The following PDE1C variants were observed in gnomAD, a reference collection of about 807,000 sequenced individuals.
PDE1C encodes the protein dual specificity calcium/calmodulin-dependent 3',5'-cyclic nucleotide phosphodiesterase 1C.
A neutral mutation model predicts 93.1 loss-of-function variants in PDE1C; 62 were observed. The observed-to-expected ratio is 0.67, with a 90% CI of 0.54 to 0.82. PDE1C has a LOEUF of 0.82. Ranked by LOEUF, PDE1C falls within the 40% of genes least tolerant of loss-of-function variation. The probability of loss-of-function intolerance (pLI) is 0.00; values close to 1 mark genes in which losing one functional copy is unlikely to be tolerated. For missense variants in PDE1C, 742 were observed against 884.6 expected, an observed-to-expected ratio of 0.84 and a Z score of 2.04; for synonymous variants, 325 against 310.1, an observed-to-expected ratio of 1.05 and a Z score of -0.50.
chr7:31,631,841 T>A, the PDE1C span, among the ~76,000 whole-genome samples: 67 of 152,314 alleles, frequency 4.4e-4, no homozygotes, highest in African/African-American at 1.6e-3. Flanking sequence ...AATTAGCTTG[T>A]CTCAGGATTA....
chr7:32,030,707 A>G (rs1790197240), intron 2 of PDE1C, among the ~76,000 whole-genome samples: 1 of 152,158 alleles, frequency 6.6e-6, no homozygotes, highest in African/African-American at 2.4e-5. Flanking sequence ...TAATAAACCT[A>G]TTTAGAAACT....
chr7:31,637,085 C>T, the PDE1C span, among the ~76,000 whole-genome samples: 1 of 152,024 alleles, frequency 6.6e-6, no homozygotes. Flanking sequence ...TTTATGGCTG[C>T]ATAGAATTCC....
intron 3 of PDE1C, among the ~76,000 whole-genome samples, chr7:32,113,178 C>G (rs970514886): frequency 8.4e-5 from 12 of 142,948 alleles, no homozygotes; most frequent in Admixed American, 2.8e-4. Flanking sequence ...TTTCAAAGCA[C>G]CCTGTAGTTC....
Position 31,880,838 on chromosome 7 carries a change from A to T in PDE1C, c.151T>A (p.Leu51Ile), listed in dbSNP as rs770996246. ...SQRLRSLVKQLERGEASVVDL... is the reference protein window; with the variant it reads ...SQRLRSLVKQIERGEASVVDL... ...ACCACTGAAGCTTCCCCTCTCTCTA[A>T]TTGTTTGACCAAAGACCGTAATCTA... The change falls in exon 3 of 18, where the codon TTA becomes ATA. Residue 51 changes from leucine (L) to isoleucine (I), a missense_variant. Leu to Ile is a conservative substitution (Grantham distance 5). Coordinates refer to ENST00000396191, the MANE Select transcript of PDE1C (RefSeq NM_001191057.4). 2 of 1,608,664 alleles carry T rather than the reference A, an allele frequency of 1.2e-6. No homozygotes were observed. Among genetic ancestry groups the T allele is most frequent in the Non-Finnish European group, 1.7e-6 (2 of 1,175,258 alleles).
intron 3 of PDE1C, among the ~76,000 whole-genome samples, chr7:32,089,460 G>C (rs1268500281): frequency 6.6e-6 from 1 of 152,134 alleles, no homozygotes; most frequent in Non-Finnish European, 1.5e-5. Flanking sequence ...ATGGTACTAT[G>C]ATTTTGCAAT....
At chr7:31,679,306 T>A in the PDE1C span, among the ~76,000 whole-genome samples, 1 of 152,166 alleles carries the variant, frequency 6.6e-6, no homozygotes, top group Non-Finnish European at 1.5e-5. Context: ...CTGGGCTTTA[T>A]GAGTATAGTA....
At chr7:32,072,274 C>A (rs1796108641), upstream of PDE1C, among the ~76,000 whole-genome samples, 1 of 152,174 alleles carries the variant, frequency 6.6e-6, no homozygotes, top group African/African-American at 2.4e-5. Context: ...AACGACTTAC[C>A]TACTCACCTG....
chr7:31,735,269 A>G, the PDE1C span, among the ~76,000 whole-genome samples: 1 of 152,060 alleles, frequency 6.6e-6, no homozygotes, highest in Non-Finnish European at 1.5e-5. Context: ...ATGGTGGTGC[A>G]TGCCTGTAAT....
chr7:32,109,568 C>T (rs2392025), intron 3 of PDE1C, among the ~76,000 whole-genome samples: 30,860 of 151,986 alleles, frequency 0.2, 3,782 homozygotes, highest in Middle Eastern at 0.31. Context: ...GTAGTAACTC[C>T]CCAGTCATGA....
chr7:31,716,192 C>A, the PDE1C span, among the ~76,000 whole-genome samples: 1 of 152,100 alleles, frequency 6.6e-6, no homozygotes, highest in Non-Finnish European at 1.5e-5. Context: ...TAAGTGCTAG[C>A]CTTGTCTGAC....
intron 16 of PDE1C, among the ~76,000 whole-genome samples, chr7:31,799,966 T>A (rs1475799808): frequency 6.6e-6 from 1 of 151,750 alleles, no homozygotes; most frequent in African/African-American, 2.4e-5. Context: ...TATCCCCTCA[T>A]ACAAGCTTTG....
chr7:32,025,973 C>T (rs1446942280), intron 2 of PDE1C, among the ~76,000 whole-genome samples: 6 of 152,110 alleles, frequency 3.9e-5, no homozygotes, highest in African/African-American at 1.2e-4. Flanking sequence ...GGCCCCTCTA[C>T]CTGACAGCTG....
At chr7:32,345,632 A>T (rs58993780) in intron 1 of PDE1C, among the ~76,000 whole-genome samples, 25,915 of 151,812 alleles carry the variant, frequency 0.17, 3,501 homozygotes, top group African/African-American at 0.37. Context: ...AAGACATTTT[A>T]AAAAATCTTA....
intron 1 of PDE1C, among the ~76,000 whole-genome samples, chr7:32,253,673 A>G (rs1809558500): frequency 6.6e-6 from 1 of 152,240 alleles, no homozygotes; most frequent in Non-Finnish European, 1.5e-5. Context: ...TCTGTGGCAT[A>G]AGCAATGTGC....
chr7:32,031,887 A>G (rs936835014), intron 2 of PDE1C, among the ~76,000 whole-genome samples: 3 of 152,160 alleles, frequency 2.0e-5, no homozygotes, highest in Admixed American at 6.6e-5. Context: ...AGAGGGGGCC[A>G]CAGGTTTGTA....
At chr7:31,759,910 C>T (rs1794725013) in intron 17 of PDE1C, among the ~76,000 whole-genome samples, 1 of 152,130 alleles carries the variant, frequency 6.6e-6, no homozygotes, top group Non-Finnish European at 1.5e-5. Context: ...TTCTCTCTCT[C>T]TCTCTCATCA....
chr7:32,110,442 G>A lies in PDE1C; in HGVS notation c.308+59343C>T, dbSNP rs543723294. Among the ~76,000 whole-genome samples, 7 of 152,270 alleles carry A rather than the reference G, an allele frequency of 4.6e-5. No homozygotes were observed. In the South Asian group the frequency reaches 1.2e-3, roughly 27 times the overall value. Reference sequence around the variant, plus strand: ...TCCCACTGGGTTCCTCCCATGACACGTGGAAGTTGTGGGAGTTACAATTCA... The same window carrying A: ...TCCCACTGGGTTCCTCCCATGACACATGGAAGTTGTGGGAGTTACAATTCA... On this transcript the variant is annotated intron_variant, in intron 3 of 18. Coordinates refer to the PDE1C transcript ENST00000396193.
the PDE1C span, among the ~76,000 whole-genome samples, chr7:31,662,190 C>T: frequency 6.6e-6 from 1 of 152,168 alleles, no homozygotes; most frequent in Non-Finnish European, 1.5e-5. Context: ...GGAATATGGT[C>T]CTGCTGGTAC....
At chr7:31,955,929 T>C (rs1158405375) in intron 2 of PDE1C, among the ~76,000 whole-genome samples, 1 of 152,192 alleles carries the variant, frequency 6.6e-6, no homozygotes, top group Non-Finnish European at 1.5e-5. Flanking sequence ...GTTAGGGACA[T>C]GAAGCTCTGA....
Sources: gnomAD v4.1 joint callset for allele counts (sites outside exome capture counted in the v4.1 genomes callset) on GRCh38, gnomAD v4.1.1 for gene constraint, MANE v1.5 for transcripts, NCBI Gene and HGNC (gene_info 2026-07-23, HGNC 2026-07-21) for gene names.